The following VPS26C variants were observed in gnomAD, a reference collection of about 807,000 sequenced individuals.
VPS26C encodes VPS26 endosomal protein sorting factor C.
VPS26C carries 19 observed loss-of-function variants against 30.6 expected under a neutral mutation model. The ratio of observed to expected loss-of-function variants is 0.62; its 90% CI spans 0.43 to 0.91. The LOEUF (loss-of-function observed/expected upper bound fraction) is 0.91, where lower values mean the gene tolerates loss of function less well. VPS26C is among the 40% of genes least tolerant of loss of function. VPS26C has a pLI of 0.00. For missense variants in VPS26C, 318 were observed against 385.1 expected (o/e 0.83, Z 1.46); for synonymous variants, 132 against 151.5 (o/e 0.87, Z 0.95).
intron 1 of VPS26C, among the ~76,000 whole-genome samples, chr21:37,246,410 A>C (rs2086137970): frequency 1.3e-5 from 2 of 152,114 alleles, no homozygotes; most frequent in South Asian, 4.1e-4. Context: ...TAAATGTGCA[A>C]AAATAAAAAA....
chr21:37,242,437 TA>T (rs1430291917), intron 1 of VPS26C, among the ~76,000 whole-genome samples: 2 of 151,866 alleles, frequency 1.3e-5, no homozygotes, highest in Non-Finnish European at 2.9e-5. Flanking sequence ...TCTCTACAAA[TA>T]AAAAAATTTT....
intron 1 of VPS26C, among the ~76,000 whole-genome samples, chr21:37,250,423 AT>A (rs767814128): frequency 1.3e-5 from 2 of 152,158 alleles, no homozygotes; most frequent in Non-Finnish European, 2.9e-5. Flanking sequence ...ATAGAGAATA[AT>A]TTTTTTCACA....
At chr21:37,238,402 C>T in intron 3 of VPS26C, 58 bp downstream of exon 3, 1 of 1,580,236 alleles carries the variant, frequency 6.3e-7, no homozygotes, top group Non-Finnish European at 8.6e-7. Context: ...AGAAAGACCA[C>T]ACCGTTTGTC....
At position 37,238,578 on chromosome 21, in the gene VPS26C, A is replaced by G. The variant is rs372016915; in HGVS notation, c.233T>C (p.Met78Thr). 5 of 1,614,160 alleles carry G rather than the reference A, an allele frequency of 3.1e-6. No individual in the cohort carries two copies. The highest frequency in any genetic ancestry group is 4.2e-6 in the Non-Finnish European group (5 of 1,180,036). The change falls in exon 3 of 8, where the codon ATG becomes ACG. Residue 78 changes from methionine to threonine, a missense_variant. Met to Thr is a moderately conservative substitution (Grantham distance 81). Transcript: ENST00000309117. The stretch of plus-strand genomic sequence containing the variant: ...GCTGGGAAATTTCCCCGGCTTCACC[A>G]TTTCTATGGTGCTGTTGATAATCTG... ...PIQIINSTIE[M>T]VKPGKFPSGK...
rs1177308934 is a variant in VPS26C, at chr21:37,233,173, T to C, written c.432+189A>G. 1.8e-6 allele frequency: 1 copy of C among 562,338 alleles called. No individual in the cohort carries two copies. Among genetic ancestry groups the C allele is most frequent in the African/African-American group, 1.9e-5 (1 of 53,554 alleles). 34.8% of individuals were successfully genotyped at this position (562,338 alleles called of 1,614,324 possible). On this transcript the variant is annotated intron_variant, in intron 4 of 7. Transcript: ENST00000309117. This position sits in a 1 kb window ranked among gnomAD's most constrained non-coding sequence, Gnocchi z 5.2. ...GCCCGCGGCCTCAGCTGGGGGACTC[T>C]GGGCCCAGGACAATGATGCACACGT...
chr21:37,230,993 T>C (rs747206907), intron 5 of VPS26C, among the ~76,000 whole-genome samples: 1 of 152,144 alleles, frequency 6.6e-6, no homozygotes, highest in African/African-American at 2.4e-5. Context: ...AGCGAGCCTC[T>C]GGACTCAGGA....
Position 37,227,611 on chromosome 21 carries a change from C to T in VPS26C, c.811+43G>A, listed in dbSNP as rs763419014. 1.1e-5 allele frequency: 17 copies of T among 1,573,640 alleles called. 1 individual carries two copies. In the Middle Eastern group the frequency reaches 1.2e-3, roughly 113 times the overall value. On this transcript the variant is annotated intron_variant, in intron 7 of 7. Coordinates refer to ENST00000309117, the MANE Select transcript of VPS26C (RefSeq NM_006052.2). ...CAGCAGGCCCTGGCGCTGAGCGGCC[C>T]TTCCCATGGGCCCATGAGGGCTGGG...
chr21:37,224,355 G>A lies in VPS26C; in HGVS notation c.*1189C>T, dbSNP rs577374910. ...AAGACCAGCCTGGGCAACATAGGGA[G>A]ACCCTGTCTACAAAAAATTTGAAAA... On this transcript the variant is annotated 3_prime_UTR_variant, in exon 8 of 8. Coordinates refer to ENST00000309117, the MANE Select transcript of VPS26C (RefSeq NM_006052.2). 7.5e-4 allele frequency: 114 copies of A among 152,048 alleles called. No homozygotes were observed. Among genetic ancestry groups the A allele is most frequent in the African/African-American group, 2.7e-3 (110 of 41,420 alleles). 9.4% of individuals were successfully genotyped at this position (152,048 alleles called of 1,614,324 possible).
At chr21:37,249,845 A>C (rs1357187764) in intron 1 of VPS26C, among the ~76,000 whole-genome samples, 2 of 152,252 alleles carry the variant, frequency 1.3e-5, no homozygotes, top group African/African-American at 4.8e-5. Context: ...AGTGTCATAC[A>C]GCACACATGT....
At chr21:37,254,658 A>C (rs2148303857) in intron 1 of VPS26C, among the ~76,000 whole-genome samples, 1 of 152,194 alleles carries the variant, frequency 6.6e-6, no homozygotes, top group East Asian at 1.9e-4. Flanking sequence ...TAAAAATACA[A>C]AAAATAGCCA....
intron 3 of VPS26C, among the ~76,000 whole-genome samples, chr21:37,234,635 C>G (rs887935970): frequency 6.6e-6 from 1 of 152,270 alleles, no homozygotes; most frequent in Middle Eastern, 3.4e-3. Flanking sequence ...GGAAAAACTT[C>G]AGAATTATGT....
At chr21:37,253,320 A>G (rs1456336928) in intron 1 of VPS26C, among the ~76,000 whole-genome samples, 2 of 152,208 alleles carry the variant, frequency 1.3e-5, no homozygotes, top group Non-Finnish European at 2.9e-5. Flanking sequence ...GGTGAAGCCC[A>G]TGCTCTGGGG....
At chr21:37,255,850 C>CTTTTTTTTTTTTTTTTTT (rs2086236577) in intron 1 of VPS26C, among the ~76,000 whole-genome samples, 2 of 63,474 alleles carry the variant, frequency 3.2e-5, no homozygotes, top group African/African-American at 1.8e-4. Context: ...CTATGCACTG[C>CTTTTTTTTTTTTTTTTTT]ATTTTTTTTT....
upstream of VPS26C, chr21:37,267,531 C>G (rs1268455764): frequency 7.0e-6 from 4 of 569,330 alleles, no homozygotes; most frequent in Non-Finnish European, 1.2e-5. Context: ...ACGGTTCACC[C>G]CGCCCCCTCT....
rs550698777 is a variant in VPS26C at position 37,232,644 on chromosome 21, AT to A, written c.433-194del. 1.3e-3 allele frequency: 758 copies of A among 605,268 alleles called. 5 individuals carry two copies. The highest frequency in any genetic ancestry group is 8.2e-4 in the Non-Finnish European group (278 of 338,096). The allele number at this position is 605,268 out of a possible 1,614,324, so 37.5% of individuals were successfully genotyped here. On this transcript the variant is annotated intron_variant, in intron 4 of 7. Coordinates refer to ENST00000309117, the MANE Select transcript of VPS26C (RefSeq NM_006052.2). Reference sequence around the variant, plus strand: ...CATCTTGCTGAAACTCAGTTTCCTCATCTGTAAAATGAGGGGAGAGATGTCT... The same window carrying A: ...CATCTTGCTGAAACTCAGTTTCCTCACTGTAAAATGAGGGGAGAGATGTCT...
chr21:37,267,682 G>A (rs905585921), upstream of VPS26C: 6 of 287,068 alleles, frequency 2.1e-5, no homozygotes, highest in Non-Finnish European at 2.0e-5. Flanking sequence ...AGGCGGAGCC[G>A]AGCCTGTCTG....
intron 7 of VPS26C, chr21:37,227,437 C>T: frequency 1.7e-6 from 1 of 572,034 alleles, no homozygotes; most frequent in South Asian, 2.2e-5. Context: ...ACCAGGACTG[C>T]CTGTGGGTGT....
In VPS26C at chr21:37,228,261, C is replaced by G; in HGVS notation, c.620G>C (p.Arg207Thr). Residue 207 changes from arginine (R) to threonine (T), a missense_variant, in exon 6 of 8, where the codon AGA becomes ACA. Coordinates refer to ENST00000309117, the MANE Select transcript of VPS26C (RefSeq NM_006052.2). ...LVVESSEAAIRSVELQLVRVE... is the reference protein window; with the variant it reads ...LVVESSEAAITSVELQLVRVE... Reference sequence around the variant, plus strand: ...GCGCACCAGCTGCAGCTCCACGCTTCTGATGGCGGCTTCCGAGCTCTCCAC... The same window carrying G: ...GCGCACCAGCTGCAGCTCCACGCTTGTGATGGCGGCTTCCGAGCTCTCCAC... 1 of 1,613,218 alleles carries G rather than the reference C, an allele frequency of 6.2e-7. No individual in the cohort carries two copies. The highest frequency in any genetic ancestry group is 8.5e-7 in the Non-Finnish European group (1 of 1,179,800).
chr21:37,234,968 G>A (rs1318276151), intron 3 of VPS26C, among the ~76,000 whole-genome samples: 8 of 127,090 alleles, frequency 6.3e-5, no homozygotes, highest in African/African-American at 2.4e-4. Flanking sequence ...TCAGCCTCCT[G>A]AGTATCTGGA....
Sources: gnomAD v4.1 joint callset for allele counts (sites outside exome capture counted in the v4.1 genomes callset) on GRCh38, gnomAD v4.1.1 for gene constraint, Gnocchi (gnomAD v3.1) non-coding constraint, MANE v1.5 for transcripts, NCBI Gene and HGNC (gene_info 2026-07-23, HGNC 2026-07-21) for gene names.